The following ARHGAP10 variants were observed in gnomAD, a reference collection of about 807,000 sequenced individuals.
ARHGAP10 encodes the protein rho GTPase-activating protein 10.
ARHGAP10 carries 87 observed loss-of-function variants against 108.6 expected under a neutral mutation model. The observed-to-expected ratio is 0.80, with a 90% CI of 0.67 to 0.96. The LOEUF is 0.96. Among genes scored for constraint, ARHGAP10 ranks in the 40% least tolerant of loss-of-function variants. The pLI is 0.00. For missense variants in ARHGAP10, 939 were observed against 954.5 expected, an observed-to-expected ratio of 0.98 and a Z score of 0.21; for synonymous variants, 347 against 341.1, an observed-to-expected ratio of 1.02 and a Z score of -0.19.
At chr4:147,741,790 A>ACGCG (rs1553944868) in intron 1 of ARHGAP10, among the ~76,000 whole-genome samples, 1 of 17,064 alleles carries the variant, frequency 5.9e-5, no homozygotes, top group African/African-American at 1.3e-4. Context: ...ACACACACAC[A>ACGCG]CGCACACACA....
intron 20 of ARHGAP10, among the ~76,000 whole-genome samples, chr4:148,053,139 G>A (rs533575626): frequency 7.9e-4 from 121 of 152,258 alleles, no homozygotes; most frequent in African/African-American, 2.7e-3. Context: ...ATTGGAAGGC[G>A]CAAAGGACAT....
chr4:147,784,371 TATTAA>T (rs1320426300), intron 1 of ARHGAP10, among the ~76,000 whole-genome samples: 3 of 127,998 alleles, frequency 2.3e-5, no homozygotes, highest in Non-Finnish European at 4.7e-5. Flanking sequence ...ATATAATACA[TATTAA>T]ATTATATATA....
At chr4:148,057,214 T>C (rs920378956) in intron 20 of ARHGAP10, among the ~76,000 whole-genome samples, 2 of 152,222 alleles carry the variant, frequency 1.3e-5, no homozygotes, top group African/African-American at 4.8e-5. Flanking sequence ...TAGTGCCAGC[T>C]CTGGCACCCA....
chr4:147,905,330 T>A (rs1384749972), intron 10 of ARHGAP10, among the ~76,000 whole-genome samples: 1 of 147,734 alleles, frequency 6.8e-6, no homozygotes, highest in African/African-American at 2.5e-5. Flanking sequence ...TGAATGGTAA[T>A]GCCTAGGTTT....
intron 19 of ARHGAP10, among the ~76,000 whole-genome samples, chr4:148,025,146 T>C (rs923830927): frequency 9.2e-5 from 14 of 152,214 alleles, no homozygotes; most frequent in Admixed American, 7.2e-4. Flanking sequence ...AGCATATCTC[T>C]TATGGGAACA....
chr4:148,002,891 G>A (rs1332472512), intron 18 of ARHGAP10, among the ~76,000 whole-genome samples: 1 of 152,034 alleles, frequency 6.6e-6, no homozygotes, highest in East Asian at 1.9e-4. Context: ...TTTTTTTGAA[G>A]GGTTTTTTGT....
intron 10 of ARHGAP10, among the ~76,000 whole-genome samples, chr4:147,897,888 A>AAG (rs939365412): frequency 6.6e-6 from 1 of 152,030 alleles, no homozygotes; most frequent in African/African-American, 2.4e-5. Flanking sequence ...TTTTTGAGAC[A>AAG]GAGTCTCGCT....
chr4:147,873,384 G>A (rs1209013421), intron 7 of ARHGAP10, among the ~76,000 whole-genome samples: 2 of 151,922 alleles, frequency 1.3e-5, no homozygotes, highest in Non-Finnish European at 2.9e-5. Context: ...ACCTGTGATA[G>A]CATCCATACA....
chr4:147,989,756 G>A (rs1204909141), intron 18 of ARHGAP10, among the ~76,000 whole-genome samples: 1 of 152,094 alleles, frequency 6.6e-6, no homozygotes, highest in Non-Finnish European at 1.5e-5. Context: ...TGTACAATTT[G>A]TGTAGTTAAC....
At chr4:147,774,835 G>A (rs906547754) in intron 1 of ARHGAP10, among the ~76,000 whole-genome samples, 8 of 152,050 alleles carry the variant, frequency 5.3e-5, no homozygotes, top group African/African-American at 1.7e-4. Flanking sequence ...AGGACCCCCA[G>A]CTGACATAGA....
At chr4:148,020,139 T>A (rs1281159118) in intron 18 of ARHGAP10, among the ~76,000 whole-genome samples, 2 of 152,188 alleles carry the variant, frequency 1.3e-5, no homozygotes, top group Non-Finnish European at 2.9e-5. Context: ...TTTTTGGATT[T>A]GGGATATTCA....
chr4:147,852,316 T>C (rs1733903697), intron 4 of ARHGAP10, among the ~76,000 whole-genome samples: 1 of 152,234 alleles, frequency 6.6e-6, no homozygotes, highest in Non-Finnish European at 1.5e-5. Flanking sequence ...TTGGTGCTGC[T>C]GCAGTCCTGT....
chr4:147,806,150 A>G (rs931794397), intron 1 of ARHGAP10, among the ~76,000 whole-genome samples: 1 of 152,162 alleles, frequency 6.6e-6, no homozygotes, highest in Non-Finnish European at 1.5e-5. Flanking sequence ...GCAGATTTGC[A>G]ATGCTGAGAG....
chr4:147,964,832 T>G (rs1739144422), intron 16 of ARHGAP10, among the ~76,000 whole-genome samples, 192 bp from the exon 17 acceptor site: 1 of 152,176 alleles, frequency 6.6e-6, no homozygotes, highest in Admixed American at 6.5e-5. Context: ...CATGAGAAGA[T>G]TCATCATAAG....
At chr4:148,018,508 A>G (rs1434213207) in intron 18 of ARHGAP10, among the ~76,000 whole-genome samples, 1 of 151,846 alleles carries the variant, frequency 6.6e-6, no homozygotes, top group Non-Finnish European at 1.5e-5. Flanking sequence ...AGATCTAAAA[A>G]CAGTGTCCCT....
At chr4:148,019,664 C>T (rs1035945860) in intron 18 of ARHGAP10, among the ~76,000 whole-genome samples, 8 of 151,776 alleles carry the variant, frequency 5.3e-5, no homozygotes, top group African/African-American at 1.7e-4. Flanking sequence ...GCAGGAGAAT[C>T]GCTTGAACCC....
intron 20 of ARHGAP10, among the ~76,000 whole-genome samples, chr4:148,061,260 A>T (rs1189568546): frequency 6.6e-6 from 1 of 152,092 alleles, no homozygotes; most frequent in Admixed American, 6.5e-5. Flanking sequence ...TTGACGATTT[A>T]TGACTCTGAA....
chr4:148,042,569 C>T (rs1728678230), intron 19 of ARHGAP10, among the ~76,000 whole-genome samples: 1 of 152,158 alleles, frequency 6.6e-6, no homozygotes, highest in East Asian at 1.9e-4. Context: ...TTTCCTGTTG[C>T]TGCACTCCCA....
At chr4:147,760,667 T>G (rs1729554434) in intron 1 of ARHGAP10, among the ~76,000 whole-genome samples, 1 of 152,204 alleles carries the variant, frequency 6.6e-6, no homozygotes, top group Non-Finnish European at 1.5e-5. Flanking sequence ...TTTTGACCTC[T>G]CCCATTTTTC....
Sources: gnomAD v4.1 joint callset for allele counts (sites outside exome capture counted in the v4.1 genomes callset) on GRCh38, gnomAD v4.1.1 for gene constraint, MANE v1.5 for transcripts, NCBI Gene and HGNC (gene_info 2026-07-23, HGNC 2026-07-21) for gene names.